Variants in SCAF8 observed in about 807,000 individuals in gnomAD.
SCAF8 encodes SR-related and CTD-associated factor 8.
In SCAF8, 23 loss-of-function variants were observed where a neutral mutation model predicts 140.5. That is an observed-to-expected ratio of 0.16 (90% CI 0.12 to 0.23). SCAF8 has a LOEUF of 0.23. SCAF8 is among the 10% of genes least tolerant of loss of function. The probability of loss-of-function intolerance (pLI) is 1.00; values close to 1 mark genes in which losing one functional copy is unlikely to be tolerated. For synonymous variants in SCAF8, 575 were observed against 528.9 expected (o/e 1.09, Z -1.20); for missense variants, 1,397 against 1,555.7 (o/e 0.90, Z 1.72).
Position 154,820,194 on chromosome 6 carries a change from C to T in SCAF8, c.1653C>T (p.Asn551=), listed in dbSNP as rs1294329818. The change falls in exon 15 of 20, where the codon AAC becomes AAT. Residue 551 remains asparagine, a synonymous_variant. Coordinates refer to ENST00000367178, the MANE Select transcript of SCAF8 (RefSeq NM_014892.5). ...TACAATAGATCGCTTGGGCTTTAAA[C>T]AAAGGTGTAAAAACAGAATACAAAC... The part of the protein sequence containing the change: ...SKVIKIAWAL[N]KGVKTEYKQF... The T allele has an allele frequency of 6.3e-7, 1 of 1,598,168 alleles. No individual in the cohort carries two copies. Among genetic ancestry groups the T allele is most frequent in the African/African-American group, 1.4e-5 (1 of 73,680 alleles).
chr6:154,825,824 A>G (rs1778550953), intron 17 of SCAF8, among the ~76,000 whole-genome samples: 1 of 152,076 alleles, frequency 6.6e-6, no homozygotes, highest in Admixed American at 6.6e-5. Flanking sequence ...TAAAAGCCCC[A>G]TCTTAAACTA....
chr6:154,789,575 T>C (rs1304976063), intron 4 of SCAF8, among the ~76,000 whole-genome samples: 1 of 150,202 alleles, frequency 6.7e-6, no homozygotes, highest in African/African-American at 2.5e-5. Context: ...AGACGGAGTC[T>C]TGCTCTTTCA....
chr6:154,790,275 C>T (rs925620521), intron 4 of SCAF8, among the ~76,000 whole-genome samples: 5 of 152,054 alleles, frequency 3.3e-5, no homozygotes, highest in African/African-American at 1.2e-4. Context: ...TCCAAGTGCT[C>T]ATGTTTTAGA....
At chr6:154,787,365 A>G (rs760001555) in intron 3 of SCAF8, among the ~76,000 whole-genome samples, 1 of 152,160 alleles carries the variant, frequency 6.6e-6, no homozygotes, top group Non-Finnish European at 1.5e-5. Context: ...AGGATTATAG[A>G]TGTTATATTT....
intron 1 of SCAF8, among the ~76,000 whole-genome samples, chr6:154,764,702 G>A (rs1214217758): frequency 6.6e-6 from 1 of 152,158 alleles, no homozygotes; most frequent in East Asian, 1.9e-4. Flanking sequence ...GAGAGCCCAA[G>A]CCTTCGCAGC....
At chr6:154,804,462 A>G (rs886538927) in intron 8 of SCAF8, among the ~76,000 whole-genome samples, 3 of 152,148 alleles carry the variant, frequency 2.0e-5, no homozygotes, top group Non-Finnish European at 4.4e-5. Context: ...GATACAGTTT[A>G]TTTATCCAGT....
intron 19 of SCAF8, among the ~76,000 whole-genome samples, chr6:154,831,504 A>G (rs1369673984): frequency 1.3e-5 from 2 of 152,084 alleles, no homozygotes; most frequent in Non-Finnish European, 2.9e-5. Context: ...TACTTCTAAT[A>G]GGTATTATCC....
intron 1 of SCAF8, among the ~76,000 whole-genome samples, chr6:154,744,428 T>C (rs1219756189): frequency 6.6e-6 from 1 of 152,196 alleles, no homozygotes; most frequent in Non-Finnish European, 1.5e-5. Context: ...TGAACCACTT[T>C]ATAATATGTA....
At chr6:154,807,975 T>C in intron 9 of SCAF8, 95 bp from the exon 10 acceptor site, 4 of 1,118,852 alleles carry the variant, frequency 3.6e-6, no homozygotes, top group Non-Finnish European at 3.8e-6. Context: ...GCTCATGTTT[T>C]TAAACATGTA....
At chr6:154,743,621 G>A (rs1778625952) in intron 1 of SCAF8, among the ~76,000 whole-genome samples, 1 of 152,160 alleles carries the variant, frequency 6.6e-6, no homozygotes, top group African/African-American at 2.4e-5. Context: ...AGTTTGCCAT[G>A]TACTTTAGTG....
intron 1 of SCAF8, among the ~76,000 whole-genome samples, chr6:154,772,118 G>A (rs993997587): frequency 1.3e-5 from 2 of 152,114 alleles, no homozygotes; most frequent in African/African-American, 4.8e-5. Context: ...GCTATAAGTG[G>A]TGCTGAAGTA....
Position 154,833,285 on chromosome 6 carries a change from C to G in SCAF8, c.3706C>G (p.Leu1236Val). The change falls in exon 20 of 20, where the codon CTT becomes GTT. Residue 1236 changes from leucine (L) to valine (V), a missense_variant. Physicochemically the swap from Leu to Val is conservative, Grantham distance 32. Around this residue, in one of 5 missense-constraint regions of SCAF8, gnomAD observed 930 missense variants for 874.6 expected, o/e 1.06. Coordinates refer to ENST00000367178, the MANE Select transcript of SCAF8 (RefSeq NM_014892.5). ...PPIPVQNDPELYEKLTSSNEI... is the reference protein window; with the variant it reads ...PPIPVQNDPEVYEKLTSSNEI... ...TATACCAGTACAGAATGATCCTGAACTTTATGAAAAACTGACATCTTCAAA... is the reference window on the plus strand; with the variant it reads ...TATACCAGTACAGAATGATCCTGAAGTTTATGAAAAACTGACATCTTCAAA... The G allele has an allele frequency of 6.2e-7, 1 of 1,613,958 alleles. No individual in the cohort carries two copies. The highest frequency in any genetic ancestry group is 8.5e-7 in the Non-Finnish European group (1 of 1,179,960).
At chr6:154,774,385 C>T (rs1176749721) in intron 2 of SCAF8, among the ~76,000 whole-genome samples, 3 of 152,210 alleles carry the variant, frequency 2.0e-5, no homozygotes, top group Non-Finnish European at 2.9e-5. Flanking sequence ...CCTCAGCCTC[C>T]TGAACATTTA....
rs575076326 is a variant in SCAF8 at position 154,798,664 on chromosome 6, C to A, written c.607-3307C>A. 2.0e-4 allele frequency among the ~76,000 whole-genome samples: 30 copies of A among 151,434 alleles called. 1 individual carries two copies. The highest frequency in any genetic ancestry group is 3.7e-4 in the Non-Finnish European group (25 of 67,736). On this transcript the variant is annotated intron_variant, in intron 6 of 19. Transcript: ENST00000367178. Reference sequence around the variant, plus strand: ...TTGCCGAAACCACTTAATGGGGCTTCTACCCTTACCCCACAACAGTCTGTT... The same window carrying A: ...TTGCCGAAACCACTTAATGGGGCTTATACCCTTACCCCACAACAGTCTGTT...
intron 11 of SCAF8, among the ~76,000 whole-genome samples, chr6:154,809,583 T>C (rs1778027012): frequency 6.6e-6 from 1 of 152,180 alleles, no homozygotes; most frequent in Admixed American, 6.5e-5. Context: ...AAAGAAAGTG[T>C]TTCAGTGTCA....
At chr6:154,824,475 AC>A in intron 17 of SCAF8, 97 bp downstream of exon 17, 1 of 1,111,056 alleles carries the variant, frequency 9.0e-7, no homozygotes, top group Non-Finnish European at 1.3e-6. Context: ...TGGTTCTGAG[AC>A]CTTAGCATGC....
chr6:154,734,927 A>C (rs1778371248), intron 1 of SCAF8, among the ~76,000 whole-genome samples: 2 of 152,176 alleles, frequency 1.3e-5, no homozygotes, highest in Admixed American at 1.3e-4. Flanking sequence ...GTTCAAGACC[A>C]GCCTGGCCAA....
intron 9 of SCAF8, 55 bp from the exon 10 acceptor site, chr6:154,808,015 A>G: frequency 6.6e-7 from 1 of 1,504,282 alleles, no homozygotes; most frequent in East Asian, 2.3e-5. Flanking sequence ...TTACATTTTC[A>G]TTCATAACAA....
At chr6:154,831,409 CAAAAT>C (rs1778729359) in intron 19 of SCAF8, among the ~76,000 whole-genome samples, 1 of 151,786 alleles carries the variant, frequency 6.6e-6, no homozygotes, top group Non-Finnish European at 1.5e-5. Context: ...AGTGTGTTGT[CAAAAT>C]AATACTGCAC....
Sources: gnomAD v4.1 joint callset for allele counts (sites outside exome capture counted in the v4.1 genomes callset) on GRCh38, gnomAD v4.1.1 for gene constraint, gnomAD v4.1.1 regional missense constraint, MANE v1.5 for transcripts, NCBI Gene and HGNC (gene_info 2026-07-23, HGNC 2026-07-21) for gene names.